Variants in OSBPL10 observed in about 807,000 individuals in gnomAD.
The protein encoded by OSBPL10 is oxysterol binding protein like 10.
OSBPL10 carries 49 observed loss-of-function variants against 81.7 expected under a neutral mutation model. The ratio of observed to expected loss-of-function variants is 0.60; its 90% confidence interval spans 0.48 to 0.76. The LOEUF is 0.76. Among genes scored for constraint, OSBPL10 ranks in the 30% least tolerant of loss-of-function variants. The pLI, the probability that OSBPL10 is intolerant of heterozygous loss-of-function variation, is 0.00. For synonymous variants in OSBPL10, 419 were observed against 383.6 expected (o/e 1.09, Z -1.08); for missense variants, 923 against 987.8 (o/e 0.93, Z 0.88).
intron 8 of OSBPL10, among the ~76,000 whole-genome samples, chr3:31,682,002 G>A (rs1700662506): frequency 6.6e-6 from 1 of 152,080 alleles, no homozygotes; most frequent in African/African-American, 2.4e-5. Flanking sequence ...ATCCTTCTAG[G>A]TGCTCAGGTC....
At chr3:31,919,354 T>G (rs1474850949) in intron 1 of OSBPL10, 1 of 152,172 alleles carries the variant, frequency 6.6e-6, no homozygotes, top group Non-Finnish European at 1.5e-5. Flanking sequence ...AGAAACTAAT[T>G]TGGTTGCTTG....
intron 4 of OSBPL10, among the ~76,000 whole-genome samples, chr3:31,796,596 C>A (rs1424428495): frequency 6.6e-6 from 1 of 152,170 alleles, no homozygotes; most frequent in African/African-American, 2.4e-5. Context: ...ACTCTACTGA[C>A]ATTTTAGGTC....
chr3:32,022,477 G>T (rs1466963163), intron 2 of OSBPL10, among the ~76,000 whole-genome samples: 3 of 152,146 alleles, frequency 2.0e-5, no homozygotes, highest in African/African-American at 7.2e-5. Context: ...ATAGGTCATA[G>T]GTGGATTCAA....
At chr3:31,772,083 A>C (rs761258317) in intron 4 of OSBPL10, among the ~76,000 whole-genome samples, 1 of 152,172 alleles carries the variant, frequency 6.6e-6, no homozygotes, top group Non-Finnish European at 1.5e-5. Flanking sequence ...CATTATGCAC[A>C]GTAGTTATGT....
intron 1 of OSBPL10, among the ~76,000 whole-genome samples, chr3:31,951,703 A>C (rs1033251357): frequency 1.3e-5 from 2 of 150,796 alleles, no homozygotes; most frequent in Admixed American, 1.3e-4. Context: ...CTAATATATA[A>C]ATGTTAATTT....
intron 5 of OSBPL10, among the ~76,000 whole-genome samples, chr3:31,744,659 G>A (rs1697465241): frequency 6.6e-6 from 1 of 151,882 alleles, no homozygotes; most frequent in Admixed American, 6.6e-5. Context: ...CATAATTTTA[G>A]GGACACTTCT....
chr3:31,938,055 C>A (rs1030834229), intron 1 of OSBPL10, among the ~76,000 whole-genome samples: 1 of 152,194 alleles, frequency 6.6e-6, no homozygotes, highest in African/African-American at 2.4e-5. Flanking sequence ...GGCTCCAACT[C>A]TGACAGTACC....
intron 4 of OSBPL10, among the ~76,000 whole-genome samples, chr3:31,778,634 G>A (rs1296602027): frequency 2.6e-5 from 4 of 152,110 alleles, no homozygotes; most frequent in Admixed American, 2.6e-4. Context: ...AAACTTATTT[G>A]AGGCAATAAT....
intron 2 of OSBPL10, among the ~76,000 whole-genome samples, chr3:31,878,546 T>C (rs1701536557): frequency 6.6e-6 from 1 of 152,218 alleles, no homozygotes; most frequent in Non-Finnish European, 1.5e-5. Context: ...TAATAAACAT[T>C]AGCTTATTCC....
At chr3:31,841,783 C>T (rs902668714) in intron 3 of OSBPL10, among the ~76,000 whole-genome samples, 4 of 152,194 alleles carry the variant, frequency 2.6e-5, no homozygotes, top group South Asian at 2.1e-4. Flanking sequence ...TTAGTCCCTA[C>T]TGTATTTGTG....
intron 4 of OSBPL10, among the ~76,000 whole-genome samples, chr3:31,800,933 T>C (rs994674936): frequency 6.6e-6 from 1 of 152,186 alleles, no homozygotes; most frequent in Non-Finnish European, 1.5e-5. Flanking sequence ...TTAATCTTCC[T>C]AGATTTTAAT....
chr3:31,740,420 TATC>T (rs768188448), intron 5 of OSBPL10, among the ~76,000 whole-genome samples: 6 of 152,256 alleles, frequency 3.9e-5, no homozygotes, highest in East Asian at 1.9e-4. Context: ...AATTAGTCAT[TATC>T]ATACATTATC....
At chr3:31,756,154 C>T (rs1266202351) in intron 4 of OSBPL10, among the ~76,000 whole-genome samples, 1 of 152,184 alleles carries the variant, frequency 6.6e-6, no homozygotes, top group East Asian at 1.9e-4. Flanking sequence ...AAAGTCACAG[C>T]TTCACTTTCC....
At chr3:31,734,440 C>T (rs1017566397) in intron 5 of OSBPL10, among the ~76,000 whole-genome samples, 6 of 151,938 alleles carry the variant, frequency 3.9e-5, no homozygotes, top group African/African-American at 1.5e-4. Context: ...TTCTGCCATT[C>T]GAATAAAGAG....
intron 1 of OSBPL10, among the ~76,000 whole-genome samples, chr3:32,055,405 T>A (rs1395349471): frequency 6.6e-6 from 1 of 151,850 alleles, no homozygotes; most frequent in Middle Eastern, 3.2e-3. Flanking sequence ...GGTTTCACCA[T>A]GTTGGCCAGG....
intron 3 of OSBPL10, among the ~76,000 whole-genome samples, chr3:31,858,198 C>T (rs1264703577): frequency 6.6e-6 from 1 of 151,838 alleles, no homozygotes; most frequent in Non-Finnish European, 1.5e-5. Flanking sequence ...ACAGGGTTTC[C>T]CTATGTTGCC....
intron 1 of OSBPL10, among the ~76,000 whole-genome samples, chr3:31,958,082 G>A (rs1306977670): frequency 6.6e-6 from 1 of 152,208 alleles, no homozygotes; most frequent in East Asian, 1.9e-4. Context: ...CTTAGCCTTT[G>A]TAGCCATTTG....
At chr3:31,749,247 C>A (rs568570477) in intron 4 of OSBPL10, among the ~76,000 whole-genome samples, 4 of 152,228 alleles carry the variant, frequency 2.6e-5, no homozygotes, top group African/African-American at 9.7e-5. Flanking sequence ...AAGCTCGTTT[C>A]TTTTTTGCTC....
intron 1 of OSBPL10, among the ~76,000 whole-genome samples, chr3:32,068,716 C>G (rs1323985136): frequency 6.6e-6 from 1 of 151,940 alleles, no homozygotes; most frequent in Non-Finnish European, 1.5e-5. Context: ...GCCTTACATC[C>G]AGGCATTTTT....
Sources: allele counts gnomAD v4.1 joint callset (sites outside exome capture counted in the v4.1 genomes callset), GRCh38; gene constraint gnomAD v4.1.1; transcripts MANE v1.5; gene names NCBI Gene and HGNC (gene_info 2026-07-23, HGNC 2026-07-21).